BMPR1B: variants seen among roughly 807,000 people sequenced by gnomAD.
The protein encoded by BMPR1B is bone morphogenetic protein receptor type 1B.
Under a neutral mutation model 59.1 loss-of-function variants are expected in BMPR1B, and 12 were observed. The ratio of observed to expected loss-of-function variants is 0.20; its 90% CI spans 0.13 to 0.33. The LOEUF is 0.33. Among genes scored for constraint, BMPR1B ranks in the 10% least tolerant of loss-of-function variants. The pLI, the probability that BMPR1B is intolerant of heterozygous loss-of-function variation, is 1.00. For missense variants in BMPR1B, 550 were observed against 610.9 expected (o/e 0.90, Z 1.05); for synonymous variants, 237 against 207.3 (o/e 1.14, Z -1.23).
rs377403247 is a variant in BMPR1B at position 95,154,686 on chromosome 4, A to C, written c.*13A>C. The stretch of plus-strand genomic sequence containing the variant: ...CATTAAACTCTGATAGGAGAGGAAA[A>C]GTAAGCATCTCTGCAGAAAGCCAAC... On this transcript the variant is annotated 3_prime_UTR_variant, in exon 13 of 13. Transcript: ENST00000515059. 52 of 1,613,952 alleles carry C rather than the reference A, an allele frequency of 3.2e-5. 1 individual carries two copies. The African/African-American group carries it at 6.3e-4, about 19-fold the overall frequency.
rs572870102 is a variant in BMPR1B at position 95,110,526 on chromosome 4, CAT to C, written c.144-4191_144-4190del. Among the ~76,000 whole-genome samples the C allele has an allele frequency of 9.8e-4, 149 of 152,138 alleles. 1 individual carries two copies. Among genetic ancestry groups the C allele is most frequent in the African/African-American group, 3.1e-3 (130 of 41,520 alleles). On this transcript the variant is annotated intron_variant, in intron 4 of 12. Coordinates refer to ENST00000515059, the MANE Select transcript of BMPR1B (RefSeq NM_001203.3). ...AAGCCAGGGAAGGGGAAAGTAGACT[CAT>C]ATGTATTTCACGCTATATTCCGTCC... is the stretch of plus-strand genomic sequence containing the variant.
At chr4:94,831,245 A>C (rs376283434) in intron 1 of BMPR1B, among the ~76,000 whole-genome samples, 2 of 151,506 alleles carry the variant, frequency 1.3e-5, no homozygotes, top group South Asian at 4.2e-4. Flanking sequence ...AAAAAAAAAA[A>C]AAAAAACGTA....
intron 2 of BMPR1B, among the ~76,000 whole-genome samples, chr4:94,980,835 A>C (rs1408125203): frequency 6.6e-6 from 1 of 152,170 alleles, no homozygotes; most frequent in East Asian, 1.9e-4. Context: ...CAAGTTGAGA[A>C]TACTTGGGTA....
intron 10 of BMPR1B, among the ~76,000 whole-genome samples, chr4:95,143,220 T>C (rs1966548): frequency 0.64 from 97,854 of 152,182 alleles, 31,952 homozygotes; most frequent in Middle Eastern, 0.75. Flanking sequence ...ACGCCAGGGG[T>C]GGTACACCAG....
chr4:95,035,554 T>C (rs1324017001), intron 3 of BMPR1B, among the ~76,000 whole-genome samples: 1 of 152,154 alleles, frequency 6.6e-6, no homozygotes, highest in African/African-American at 2.4e-5. Context: ...CCCCACTTTA[T>C]GCTTTTATTT....
At chr4:95,028,874 A>G (rs1201590593) in intron 3 of BMPR1B, among the ~76,000 whole-genome samples, 1 of 151,984 alleles carries the variant, frequency 6.6e-6, no homozygotes, top group East Asian at 1.9e-4. Flanking sequence ...AATATGATCC[A>G]AGCATTGTAC....
chr4:95,139,882 C>T (rs1734092914), intron 10 of BMPR1B, among the ~76,000 whole-genome samples: 1 of 152,222 alleles, frequency 6.6e-6, no homozygotes, highest in South Asian at 2.1e-4. Context: ...CTTGCGCTTG[C>T]CGGGTGAGGC....
At chr4:94,913,880 A>G (rs952527927) in intron 2 of BMPR1B, among the ~76,000 whole-genome samples, 3 of 152,190 alleles carry the variant, frequency 2.0e-5, no homozygotes, top group African/African-American at 7.2e-5. Context: ...TAGTGCTGCT[A>G]AGGAACTGAA....
rs143554488 is a variant in BMPR1B, at chr4:95,125,059, T to G, written c.523T>G (p.Ser175Ala). ...TGAAACTTACATTCCTCCTGGAGAA[T>G]CCCTGAGAGACTTAATTGAGCAGTC... Reference protein sequence around the residue: ...QDETYIPPGESLRDLIEQSQS... With the variant: ...QDETYIPPGEALRDLIEQSQS... The change falls in exon 8 of 13, where the codon TCC becomes GCC. Residue 175 changes from serine to alanine, a missense_variant. By Grantham distance (99) the Ser-to-Ala change is moderately conservative (BLOSUM62 1). Coordinates refer to ENST00000515059, the MANE Select transcript of BMPR1B (RefSeq NM_001203.3). 1.2e-6 allele frequency: 2 copies of G among 1,613,672 alleles called. No individual in the cohort carries two copies. Among genetic ancestry groups the G allele is most frequent in the African/African-American group, 1.3e-5 (1 of 74,904 alleles).
intron 3 of BMPR1B, among the ~76,000 whole-genome samples, chr4:95,039,283 G>A (rs1725478286): frequency 2.0e-5 from 3 of 152,052 alleles, no homozygotes; most frequent in Admixed American, 2.0e-4. Context: ...TGCTTTTGCT[G>A]TAATGCTCTA....
chr4:94,930,171 C>T lies in BMPR1B; in HGVS notation c.-113+54271C>T, dbSNP rs906830161. Among the ~76,000 whole-genome samples, 6 of 152,210 alleles carry T rather than the reference C, an allele frequency of 3.9e-5. No individual in the cohort carries two copies. The Middle Eastern group carries it at 0.01, about 259-fold the overall frequency. On this transcript the variant is annotated intron_variant, in intron 2 of 12. Transcript: ENST00000515059. ...CACCTTCTAGTCTGTTTTATATACACTCTGTTGTATATACAAAGTGACTTT... is the reference window on the plus strand; with the variant it reads ...CACCTTCTAGTCTGTTTTATATACATTCTGTTGTATATACAAAGTGACTTT...
intron 3 of BMPR1B, among the ~76,000 whole-genome samples, chr4:95,041,962 T>C (rs1725687674): frequency 1.3e-5 from 2 of 152,072 alleles, no homozygotes; most frequent in South Asian, 4.2e-4. Context: ...CTTCATGCCA[T>C]TCTACTGCCT....
At chr4:94,767,053 A>T (rs916565381) in intron 1 of BMPR1B, among the ~76,000 whole-genome samples, 3 of 152,136 alleles carry the variant, frequency 2.0e-5, no homozygotes, top group Admixed American at 6.5e-5. Flanking sequence ...CTTCATTTTT[A>T]TGAGTCATTC....
intron 2 of BMPR1B, among the ~76,000 whole-genome samples, chr4:94,878,986 G>T (rs558745367): frequency 1.3e-4 from 20 of 151,468 alleles, no homozygotes; most frequent in South Asian, 2.1e-4. Flanking sequence ...TATTCAGGCA[G>T]GTTTAATAGA....
chr4:95,000,472 C>T (rs1722364524), intron 3 of BMPR1B, among the ~76,000 whole-genome samples: 1 of 151,494 alleles, frequency 6.6e-6, no homozygotes, highest in Non-Finnish European at 1.5e-5. Context: ...CCCCACTGCA[C>T]TCCAGCCTGG....
chr4:94,980,865 C>T (rs1041707896), intron 2 of BMPR1B, among the ~76,000 whole-genome samples: 1 of 152,072 alleles, frequency 6.6e-6, no homozygotes, highest in African/African-American at 2.4e-5. Context: ...CGTGGTGGTG[C>T]GGTCCTGTAA....
At chr4:94,829,758 A>G (rs1459596339) in intron 1 of BMPR1B, among the ~76,000 whole-genome samples, 6 of 152,186 alleles carry the variant, frequency 3.9e-5, no homozygotes, top group African/African-American at 1.2e-4. Context: ...GTGCTAAGGG[A>G]AAAGGAGGGA....
At chr4:94,794,600 T>A (rs1047191401) in intron 1 of BMPR1B, among the ~76,000 whole-genome samples, 1 of 143,122 alleles carries the variant, frequency 7.0e-6, no homozygotes, top group African/African-American at 2.8e-5. Context: ...ATCTGTAAAT[T>A]ACCTTGGGCA....
chr4:95,126,633 G>A (rs1732926386), intron 8 of BMPR1B, among the ~76,000 whole-genome samples: 1 of 152,150 alleles, frequency 6.6e-6, no homozygotes, highest in Non-Finnish European at 1.5e-5. Flanking sequence ...CTTAACATTA[G>A]TGAGATGTGA....
Sources: gnomAD v4.1 joint callset for allele counts (sites outside exome capture counted in the v4.1 genomes callset) on GRCh38, gnomAD v4.1.1 for gene constraint, MANE v1.5 for transcripts, NCBI Gene and HGNC (gene_info 2026-07-23, HGNC 2026-07-21) for gene names.